MAP4K4: variants seen among roughly 807,000 people sequenced by gnomAD.
MAP4K4 encodes mitogen-activated protein kinase kinase kinase kinase 4.
A neutral mutation model predicts 189.6 loss-of-function variants in MAP4K4; 38 were observed. The ratio of observed to expected loss-of-function variants is 0.20; its 90% CI spans 0.15 to 0.26. MAP4K4 has a LOEUF of 0.26. MAP4K4 is among the 10% of genes least tolerant of loss of function. The pLI is 1.00. For synonymous variants in MAP4K4, 610 were observed against 624.3 expected (o/e 0.98, Z 0.34); for missense variants, 1,054 against 1,726.9 (o/e 0.61, Z 6.91).
At chr2:101,787,495 TCCC>T (rs2091728670) in intron 2 of MAP4K4, among the ~76,000 whole-genome samples, 1 of 152,178 alleles carries the variant, frequency 6.6e-6, no homozygotes, top group African/African-American at 2.4e-5. Flanking sequence ...GCTAAGGGTC[TCCC>T]TTGTGAGTTG....
intron 2 of MAP4K4, among the ~76,000 whole-genome samples, chr2:101,761,221 TTTC>T (rs2150172170): frequency 6.6e-6 from 1 of 152,370 alleles, no homozygotes; most frequent in African/African-American, 2.4e-5. Flanking sequence ...GTGATTTTCT[TTTC>T]TTTTGGTTTT....
rs2097557504 is a variant in MAP4K4, at chr2:101,858,989, G to A, written c.1396-7G>A. Reference sequence around the variant, plus strand: ...AATTTGATTGCTGGGTGATTTCTGTGTGACAGGAGTATATCAGGCGACAGC... The same window carrying A: ...AATTTGATTGCTGGGTGATTTCTGTATGACAGGAGTATATCAGGCGACAGC... On this transcript the variant is annotated splice_region_variant and splice_polypyrimidine_tract_variant and intron_variant, in intron 13 of 32. Transcript: ENST00000324219. 1 of 1,603,964 alleles carries A rather than the reference G, an allele frequency of 6.2e-7. No individual in the cohort carries two copies. The highest frequency in any genetic ancestry group is 1.7e-5 in the Admixed American group (1 of 59,566).
At chr2:101,869,842 G>A (rs2097927999) in intron 22 of MAP4K4, 45 bp downstream of exon 22, 4 of 1,472,792 alleles carry the variant, frequency 2.7e-6, no homozygotes, top group African/African-American at 2.8e-5. Context: ...TATTCTCTCA[G>A]AGCCTGCTTT....
At chr2:101,737,809 C>T (rs147328570) in intron 2 of MAP4K4, among the ~76,000 whole-genome samples, 203 of 152,204 alleles carry the variant, frequency 1.3e-3, no homozygotes, top group African/African-American at 4.7e-3. Flanking sequence ...CCTTTTCTCT[C>T]TACTCTCTCC....
At chr2:101,768,052 G>T (rs1388017409) in intron 2 of MAP4K4, among the ~76,000 whole-genome samples, 1 of 152,054 alleles carries the variant, frequency 6.6e-6, no homozygotes, top group Non-Finnish European at 1.5e-5. Context: ...TTTCTTCATT[G>T]TACTTATTTG....
chr2:101,867,131 C>CG, intron 19 of MAP4K4, 81 bp from the exon 20 acceptor site: 1 of 654,864 alleles, frequency 1.5e-6, no homozygotes, highest in East Asian at 4.7e-5. Context: ...CAGGAGTGGG[C>CG]GGGGTGGGCA....
intron 11 of MAP4K4, 136 bp downstream of exon 11, chr2:101,842,817 T>A (rs1212791976): frequency 5.1e-6 from 3 of 588,214 alleles, no homozygotes; most frequent in Admixed American, 6.2e-5. Context: ...TCTCCATTCT[T>A]CTCTATTCTT....
At chr2:101,797,351 A>C in intron 3 of MAP4K4, 6 of 1,290,866 alleles carry the variant, frequency 4.6e-6, no homozygotes, top group Non-Finnish European at 6.1e-6. Context: ...TGACTCTGGC[A>C]GACTTACCAC....
chr2:101,885,194 T>C (rs1179915079), exon 29 of MAP4K4: 4 of 1,591,788 alleles, frequency 2.5e-6, no homozygotes. Context: ...CAGTAAAATA[T>C]GAAAGAATCA....
chr2:101,834,613 A>T lies in MAP4K4; in HGVS notation c.694+150A>T. On this transcript the variant is annotated intron_variant, in intron 8 of 32. Coordinates refer to ENST00000324219, the Ensembl canonical transcript of MAP4K4. ...CAACATAAATATAGTCAAGTTTTAGATGTAGAAGGAATTCTTGGCAACCAC... is the reference window on the plus strand; with the variant it reads ...CAACATAAATATAGTCAAGTTTTAGTTGTAGAAGGAATTCTTGGCAACCAC... 4 of 640,784 alleles carry T rather than the reference A, an allele frequency of 6.2e-6. No individual in the cohort carries two copies. The South Asian group carries it at 7.8e-5, about 13-fold the overall frequency. 39.7% of individuals were successfully genotyped at this position (640,784 alleles called of 1,614,324 possible). A position where few individuals can be genotyped will look rare whatever the true frequency, so the allele number is the denominator to read the frequency against.
intron 7 of MAP4K4, among the ~76,000 whole-genome samples, chr2:101,833,262 A>G (rs535796096): frequency 6.6e-6 from 1 of 152,254 alleles, no homozygotes; most frequent in Non-Finnish European, 1.5e-5. Flanking sequence ...ATAAACAAAT[A>G]CATAGTAATG....
chr2:101,870,538 G>C (rs970135782), intron 23 of MAP4K4, 123 bp downstream of exon 23: 2 of 1,382,868 alleles, frequency 1.4e-6, no homozygotes, highest in Admixed American at 4.4e-5. Context: ...AAGTCCCAGA[G>C]GGTCAAGTGT....
chr2:101,729,462 G>T (rs979847063), intron 2 of MAP4K4, among the ~76,000 whole-genome samples: 3 of 152,162 alleles, frequency 2.0e-5, no homozygotes, highest in Admixed American at 2.0e-4. Context: ...TTGGGTGGTG[G>T]TTTTAACTGT....
chr2:101,707,619 C>T (rs2043008320), intron 2 of MAP4K4, among the ~76,000 whole-genome samples: 1 of 151,912 alleles, frequency 6.6e-6, no homozygotes, highest in South Asian at 2.1e-4. Context: ...CTCAAGCAAA[C>T]TTCCCACATC....
exon 33 of MAP4K4, chr2:101,892,299 A>G (rs1243063208): frequency 1.3e-5 from 2 of 152,922 alleles, no homozygotes; most frequent in African/African-American, 4.8e-5. Context: ...CTTAATACCA[A>G]AACGACCAGA....
intron 3 of MAP4K4, among the ~76,000 whole-genome samples, chr2:101,812,785 G>A (rs1331635998): frequency 3.3e-5 from 5 of 152,186 alleles, no homozygotes; most frequent in Admixed American, 6.5e-5. Context: ...AGATAAAATA[G>A]CACCAACTTG....
At chr2:101,842,723 G>T (rs1006469378) in intron 11 of MAP4K4, 42 bp downstream of exon 11, 9 of 1,519,582 alleles carry the variant, frequency 5.9e-6, no homozygotes, top group African/African-American at 2.7e-5. Context: ...TTTATGAAGG[G>T]ATTAAGTTTT....
Position 101,869,713 on chromosome 2 carries a change from C to A in MAP4K4, c.2555C>A (p.Ser852Ter). The A allele has an allele frequency of 1.2e-6, 2 of 1,600,044 alleles. No homozygotes were observed. Among genetic ancestry groups the A allele is most frequent in the South Asian group, 1.1e-5 (1 of 88,398 alleles). ...GACTACTCCTCATCCAGTGAGGAGTCGGGGACGACGGATGAGGAGGACGAC... is the reference window on the plus strand; with the variant it reads ...GACTACTCCTCATCCAGTGAGGAGTAGGGGACGACGGATGAGGAGGACGAC... The change falls in exon 22 of 33, where the codon TCG (serine) becomes TAG (stop). Residue 852 changes from serine (S) to a stop codon, truncating the protein, a stop_gained. Transcript: ENST00000324219. LOFTEE classifies it high-confidence loss of function.
At chr2:101,718,996 T>C (rs1405086549) in intron 2 of MAP4K4, among the ~76,000 whole-genome samples, 1 of 152,206 alleles carries the variant, frequency 6.6e-6, no homozygotes, top group Non-Finnish European at 1.5e-5. Context: ...ATTGGGTATC[T>C]GTACATTCAA....
Sources: allele counts gnomAD v4.1 joint callset (sites outside exome capture counted in the v4.1 genomes callset), GRCh38; gene constraint gnomAD v4.1.1; transcripts MANE v1.5; gene names NCBI Gene and HGNC (gene_info 2026-07-23, HGNC 2026-07-21).